Variants in PNKD observed in about 807,000 individuals in gnomAD.
The protein encoded by PNKD is probable thioesterase PNKD.
Under a neutral mutation model 45.3 loss-of-function variants are expected in PNKD, and 36 were observed. The ratio of observed to expected loss-of-function variants is 0.80; its 90% CI spans 0.61 to 1.05. The LOEUF is 1.05. Ranked by LOEUF, PNKD falls within the 50% of genes least tolerant of loss-of-function variation. The pLI, the probability that PNKD is intolerant of heterozygous loss-of-function variation, is 0.00. For missense variants in PNKD, 511 were observed against 506.6 expected (o/e 1.01, Z -0.08); for synonymous variants, 197 against 210.1 (o/e 0.94, Z 0.54).
At position 218,310,449 on chromosome 2, in the gene PNKD, C is replaced by T. The variant is rs546463279; in HGVS notation, c.237-29334C>T. 1.8e-3 allele frequency among the ~76,000 whole-genome samples: 268 copies of T among 152,066 alleles called. 1 individual carries two copies. Among genetic ancestry groups the T allele is most frequent in the Middle Eastern group, 0.01 (3 of 294 alleles). On this transcript the variant is annotated intron_variant, in intron 2 of 9. Coordinates refer to ENST00000273077, the MANE Select transcript of PNKD (RefSeq NM_015488.5). Reference sequence around the variant, plus strand: ...ATATTGGCCAGGCTGGTCTCGAACTCCTGACCTTGTTATCCCCCCACCTCG... The same window carrying T: ...ATATTGGCCAGGCTGGTCTCGAACTTCTGACCTTGTTATCCCCCCACCTCG...
chr2:218,329,689 CTG>C (rs1694263809), intron 2 of PNKD, among the ~76,000 whole-genome samples: 1 of 152,276 alleles, frequency 6.6e-6, no homozygotes, highest in Non-Finnish European at 1.5e-5. Context: ...TGTCCCTCTC[CTG>C]TGCATGCGGA....
intron 2 of PNKD, among the ~76,000 whole-genome samples, chr2:218,314,812 C>A (rs1457355683): frequency 6.6e-6 from 1 of 151,870 alleles, no homozygotes; most frequent in Non-Finnish European, 1.5e-5. Context: ...TGCCTCAGTG[C>A]CCAAGTAGCT....
At chr2:218,308,375 G>A (rs1693482208) in intron 2 of PNKD, among the ~76,000 whole-genome samples, 1 of 151,866 alleles carries the variant, frequency 6.6e-6, no homozygotes, top group African/African-American at 2.4e-5. Flanking sequence ...TTTTAGTAGA[G>A]ACGGGGTTTC....
intron 2 of PNKD, among the ~76,000 whole-genome samples, chr2:218,319,029 A>G (rs546352971): frequency 7.9e-6 from 1 of 126,292 alleles, no homozygotes; most frequent in East Asian, 2.4e-4. Flanking sequence ...ATCTCGGTTC[A>G]CTGTAACCTC....
intron 2 of PNKD, among the ~76,000 whole-genome samples, chr2:218,273,134 G>T (rs892374833): frequency 2.0e-5 from 3 of 152,198 alleles, no homozygotes; most frequent in African/African-American, 7.2e-5. Context: ...CGGCCAGGAG[G>T]GTGGGGTCCC....
chr2:218,272,072 G>A (rs940341882), intron 2 of PNKD, among the ~76,000 whole-genome samples: 14 of 152,300 alleles, frequency 9.2e-5, no homozygotes, highest in Admixed American at 5.9e-4. Context: ...CACAGAGGAA[G>A]GAACTGAGAC....
chr2:218,273,102 G>A lies in PNKD; in HGVS notation c.236+1553G>A, dbSNP rs150099810. Reference sequence around the variant, plus strand: ...CAACCAGCCTAGGCCCCGGGCCCTCGGGACCAAGCCCTCAGAGCTGCCGGC... The same window carrying A: ...CAACCAGCCTAGGCCCCGGGCCCTCAGGACCAAGCCCTCAGAGCTGCCGGC... On this transcript the variant is annotated intron_variant, in intron 2 of 9. Coordinates refer to ENST00000273077, the MANE Select transcript of PNKD (RefSeq NM_015488.5). Among the ~76,000 whole-genome samples, 447 of 152,264 alleles carry A rather than the reference G, an allele frequency of 2.9e-3. 3 individuals are homozygous for A. The highest frequency in any genetic ancestry group is 0.027 in the Middle Eastern group (8 of 294).
At chr2:218,315,556 G>A (rs902234985) in intron 2 of PNKD, among the ~76,000 whole-genome samples, 1 of 152,176 alleles carries the variant, frequency 6.6e-6, no homozygotes, top group Non-Finnish European at 1.5e-5. Context: ...GGAATAATAG[G>A]AATAATAAAT....
intron 2 of PNKD, among the ~76,000 whole-genome samples, chr2:218,313,705 A>G (rs967245555): frequency 3.3e-5 from 5 of 152,132 alleles, no homozygotes; most frequent in African/African-American, 9.7e-5. Context: ...GTAAACAGAT[A>G]TGAACATTTT....
At chr2:218,275,323 A>G in intron 2 of PNKD, 1 of 1,048,856 alleles carries the variant, frequency 9.5e-7, no homozygotes, top group Middle Eastern at 3.2e-4. Flanking sequence ...ATCCATAGCC[A>G]GAGAGGCCAC....
chr2:218,320,419 C>A (rs774687533), intron 2 of PNKD, among the ~76,000 whole-genome samples: 27 of 152,146 alleles, frequency 1.8e-4, no homozygotes, highest in Non-Finnish European at 3.7e-4. Context: ...TGAAAATATG[C>A]AGGCCAGTGC....
chr2:218,277,630 T>C, intron 2 of PNKD: 1 of 1,614,210 alleles, frequency 6.2e-7, no homozygotes. Flanking sequence ...TCCCTGAATG[T>C]ACCTGGAAAT....
intron 2 of PNKD, among the ~76,000 whole-genome samples, chr2:218,296,617 C>G (rs1259641008): frequency 6.6e-6 from 1 of 152,174 alleles, no homozygotes; most frequent in East Asian, 1.9e-4. Flanking sequence ...TGTTACTCTA[C>G]CCATGCATTG....
At chr2:218,283,517 C>G (rs528621570) in intron 2 of PNKD, among the ~76,000 whole-genome samples, 2 of 152,108 alleles carry the variant, frequency 1.3e-5, no homozygotes, top group Non-Finnish European at 2.9e-5. Context: ...AGTCTGGGCT[C>G]GACAGGGCCA....
Position 218,281,130 on chromosome 2 carries a change from T to TTTTTTTTTTTTTGGTTTTTTTTTGG in PNKD, c.236+9590_236+9591insTTTGGTTTTTTTTTGGTTTTTTTTT, listed in dbSNP as rs71064426. ...TTTTTTTGTTTTGTTTTGTTTTTTG[T>TTTTTTTTTTTTTGGTTTTTTTTTGG]TTTTTTTTTGGTTTTTTTTTTGAGA... On this transcript the variant is annotated intron_variant, in intron 2 of 9. Transcript: ENST00000273077. 8 of 117,354 alleles carry TTTTTTTTTTTTTGGTTTTTTTTTGG rather than the reference T, an allele frequency of 6.8e-5. No homozygotes were observed. The South Asian group carries it at 2.4e-3, about 36-fold the overall frequency. The allele number at this position is 117,354 out of a possible 1,614,324, so 7.3% of individuals were successfully genotyped here.
intron 2 of PNKD, among the ~76,000 whole-genome samples, chr2:218,319,550 A>G (rs1186903226): frequency 1.3e-5 from 2 of 150,766 alleles, no homozygotes; most frequent in South Asian, 2.1e-4. Context: ...TGATTTTTGT[A>G]TCTTTAGTAG....
chr2:218,321,008 T>C (rs1693971920), intron 2 of PNKD, among the ~76,000 whole-genome samples: 1 of 152,136 alleles, frequency 6.6e-6, no homozygotes, highest in African/African-American at 2.4e-5. Flanking sequence ...CTTTTCCCAG[T>C]CCCGCCTTGA....
intron 2 of PNKD, among the ~76,000 whole-genome samples, chr2:218,319,371 C>CTTTTTT (rs35553031): frequency 2.4e-4 from 19 of 80,194 alleles, no homozygotes; most frequent in East Asian, 4.0e-4. Flanking sequence ...TCTTGTTTGT[C>CTTTTTT]TTTTTTTTTT....
At chr2:218,288,743 C>G (rs1032317446) in intron 2 of PNKD, among the ~76,000 whole-genome samples, 6 of 151,920 alleles carry the variant, frequency 3.9e-5, no homozygotes, top group African/African-American at 1.5e-4. Flanking sequence ...CCATGGCTAT[C>G]GTGACTATAT....
Sources: allele counts gnomAD v4.1 joint callset (sites outside exome capture counted in the v4.1 genomes callset), GRCh38; gene constraint gnomAD v4.1.1; transcripts MANE v1.5; gene names NCBI Gene and HGNC (gene_info 2026-07-23, HGNC 2026-07-21).